The following SLC2A9 variants were observed in gnomAD, a reference collection of about 807,000 sequenced individuals.
The protein encoded by SLC2A9 is solute carrier family 2 member 9.
In SLC2A9, 39 loss-of-function variants were observed where a neutral mutation model predicts 50.6. The observed-to-expected ratio is 0.77, with a 90% CI of 0.60 to 1.01. SLC2A9 has a LOEUF of 1.01. Ranked by LOEUF, SLC2A9 falls within the 50% of genes least tolerant of loss-of-function variation. The pLI is 0.00. For missense variants in SLC2A9, 686 were observed against 677.6 expected (o/e 1.01, Z -0.14); for synonymous variants, 324 against 276.9 (o/e 1.17, Z -1.69).
chr4:9,964,452 G>C (rs1436475417), intron 5 of SLC2A9, among the ~76,000 whole-genome samples: 2 of 152,150 alleles, frequency 1.3e-5, no homozygotes, highest in Non-Finnish European at 2.9e-5. Context: ...AATTCATCAT[G>C]CAATGGCCTT....
chr4:9,939,179 G>A (rs546029925), intron 6 of SLC2A9, among the ~76,000 whole-genome samples: 6 of 152,236 alleles, frequency 3.9e-5, no homozygotes, highest in Admixed American at 6.5e-5. Flanking sequence ...CTGGGGATGA[G>A]GTGCATTGAA....
intron 5 of SLC2A9, among the ~76,000 whole-genome samples, chr4:9,957,612 A>G (rs1751522560): frequency 6.6e-6 from 1 of 152,242 alleles, no homozygotes; most frequent in South Asian, 2.1e-4. Context: ...TGTAAATATT[A>G]TATCTAAAAA....
chr4:9,911,043 A>C (rs1290682743), intron 7 of SLC2A9, among the ~76,000 whole-genome samples: 1 of 152,100 alleles, frequency 6.6e-6, no homozygotes, highest in African/African-American at 2.4e-5. Context: ...AGAAATATCC[A>C]ATGCAGATGA....
At chr4:9,831,979 G>C (rs752799517) in intron 11 of SLC2A9, among the ~76,000 whole-genome samples, 3 of 152,202 alleles carry the variant, frequency 2.0e-5, no homozygotes, top group Non-Finnish European at 2.9e-5. Context: ...GCCAAGGAGA[G>C]GGGCCTCAGA....
intron 1 of SLC2A9, among the ~76,000 whole-genome samples, chr4:10,028,417 C>G (rs951663494): frequency 2.0e-5 from 3 of 152,210 alleles, no homozygotes; most frequent in Admixed American, 6.5e-5. Context: ...GAAGACAAGG[C>G]CTTGACATCC....
intron 6 of SLC2A9, among the ~76,000 whole-genome samples, chr4:9,934,056 G>A (rs971427310): frequency 6.6e-6 from 1 of 152,140 alleles, no homozygotes; most frequent in Admixed American, 6.5e-5. Flanking sequence ...AATTCCATCT[G>A]TGGCCCTAAT....
At chr4:9,850,824 G>A (rs1355526529) in intron 10 of SLC2A9, among the ~76,000 whole-genome samples, 3 of 152,084 alleles carry the variant, frequency 2.0e-5, no homozygotes, top group African/African-American at 7.2e-5. Flanking sequence ...GCTGGCATGT[G>A]CGTACCCTGC....
intron 3 of SLC2A9, among the ~76,000 whole-genome samples, chr4:9,792,163 CTTTTTTTTTTT>C (rs34289788): frequency 3.9e-5 from 3 of 77,224 alleles, no homozygotes; most frequent in African/African-American, 9.9e-5. Flanking sequence ...TTCTATGTTT[CTTTTTTTTTTT>C]TTTTTTTTTT....
At chr4:9,806,993 G>T (rs1722208912) in intron 3 of SLC2A9, among the ~76,000 whole-genome samples, 1 of 152,166 alleles carries the variant, frequency 6.6e-6, no homozygotes, top group Admixed American at 6.5e-5. Flanking sequence ...TTTTCCAGCT[G>T]ACTGACACCT....
At chr4:10,029,495 A>G (rs1763861635) in intron 1 of SLC2A9, among the ~76,000 whole-genome samples, 1 of 152,102 alleles carries the variant, frequency 6.6e-6, no homozygotes, top group African/African-American at 2.4e-5. Context: ...ATAAATGTAC[A>G]ATGTATAAAA....
chr4:9,989,208 A>G (rs1757260501), intron 3 of SLC2A9, among the ~76,000 whole-genome samples: 1 of 152,128 alleles, frequency 6.6e-6, no homozygotes. Context: ...ATGCCTGGCA[A>G]AACCCCAGCT....
intron 10 of SLC2A9, among the ~76,000 whole-genome samples, chr4:9,842,879 T>A (rs1367028612): frequency 6.6e-6 from 1 of 152,128 alleles, no homozygotes; most frequent in Non-Finnish European, 1.5e-5. Flanking sequence ...GCAGTTTATG[T>A]GCCAGTTGAT....
intron 10 of SLC2A9, among the ~76,000 whole-genome samples, chr4:9,856,825 G>C (rs1366374980): frequency 6.6e-6 from 1 of 152,178 alleles, no homozygotes; most frequent in African/African-American, 2.4e-5. Flanking sequence ...AACATGGATG[G>C]AGCTGGAGGC....
chr4:9,978,706 T>TAAA (rs1755220130), intron 5 of SLC2A9, among the ~76,000 whole-genome samples: 1 of 152,214 alleles, frequency 6.6e-6, no homozygotes, highest in African/African-American at 2.4e-5. Context: ...ATGTAAAATG[T>TAAA]GAGTTGTTTC....
At chr4:9,904,272 G>A (rs1021668239) in intron 8 of SLC2A9, among the ~76,000 whole-genome samples, 13 of 152,208 alleles carry the variant, frequency 8.5e-5, no homozygotes, top group Non-Finnish European at 1.8e-4. Context: ...GGTGTCTGCA[G>A]GGCTGGTTCC....
In SLC2A9 at chr4:10,028,859, A is replaced by T. The variant is rs544313743; in HGVS notation, c.-40-2853T>A. Among the ~76,000 whole-genome samples the T allele has an allele frequency of 1.8e-4, 28 of 152,276 alleles. 1 individual carries two copies. The highest frequency in any genetic ancestry group is 6.7e-4 in the African/African-American group (28 of 41,562). On this transcript the variant is annotated intron_variant, in intron 1 of 12. Transcript: ENST00000309065. ...ACAGAACTTCCCCCACAGCATATCC[A>T]GCACTCCCAGCATTGCAGCCTCTGT... is the stretch of plus-strand genomic sequence containing the variant.
chr4:9,799,692 A>ACCCCCCCCCCCC (rs57223650), intron 3 of SLC2A9, among the ~76,000 whole-genome samples: 207 of 69,834 alleles, frequency 3.0e-3, no homozygotes, highest in East Asian at 5.8e-3. Flanking sequence ...TTCCAATTGT[A>ACCCCCCCCCCCC]CCCCCCCCCC....
chr4:9,924,282 G>C (rs985115699), intron 6 of SLC2A9: 4 of 152,260 alleles, frequency 2.6e-5, no homozygotes, highest in Non-Finnish European at 5.9e-5. Context: ...CACATGGACA[G>C]CTTCCTACAC....
intron 7 of SLC2A9, 72 bp downstream of exon 7, chr4:9,920,313 C>T (rs1050991059): frequency 7.7e-5 from 120 of 1,560,890 alleles, no homozygotes; most frequent in Admixed American, 5.6e-4. Context: ...CGTCTGGGGC[C>T]CAAGCCCTGA....
Sources: gnomAD v4.1 joint callset for allele counts (sites outside exome capture counted in the v4.1 genomes callset) on GRCh38, gnomAD v4.1.1 for gene constraint, MANE v1.5 for transcripts, NCBI Gene and HGNC (gene_info 2026-07-23, HGNC 2026-07-21) for gene names.